Variants in S100Z observed in about 807,000 individuals in gnomAD.
S100Z encodes the protein protein S100-Z.
In S100Z, 11 loss-of-function variants were observed where a neutral mutation model predicts 8.5. The ratio of observed to expected loss-of-function variants is 1.30; its 90% CI spans 0.82 to 2.15. S100Z has a LOEUF of 2.15. Ranked by LOEUF, S100Z falls within the 30% of genes most tolerant of loss-of-function variation. S100Z has a pLI of 0.00. For synonymous variants in S100Z, 34 were observed against 43.8 expected (o/e 0.78, Z 0.89); for missense variants, 126 against 117.9 (o/e 1.07, Z -0.32).
chr5:76,941,197 T>C, the S100Z span, among the ~76,000 whole-genome samples: 1 of 152,202 alleles, frequency 6.6e-6, no homozygotes, highest in Non-Finnish European at 1.5e-5. Context: ...TTTGACATAG[T>C]GAATTGGGGC....
chr5:76,933,364 C>G, the S100Z span, among the ~76,000 whole-genome samples: 2 of 152,322 alleles, frequency 1.3e-5, no homozygotes, highest in South Asian at 4.1e-4. Context: ...GTGAGACGGC[C>G]TCTTCGAGAG....
chr5:76,918,601 A>AT (rs1455692352), intron 4 of S100Z, among the ~76,000 whole-genome samples: 1 of 152,226 alleles, frequency 6.6e-6, no homozygotes, highest in Middle Eastern at 3.2e-3. Context: ...CTCCCATGTT[A>AT]TACCTGCCTC....
intron 1 of S100Z, among the ~76,000 whole-genome samples, chr5:76,858,215 G>A (rs1409742003): frequency 6.6e-6 from 1 of 152,160 alleles, no homozygotes; most frequent in Non-Finnish European, 1.5e-5. Context: ...AACTGGCTTA[G>A]GGAACATGTC....
chr5:76,924,156 A>G (rs1372220182), downstream of S100Z, among the ~76,000 whole-genome samples: 1 of 152,158 alleles, frequency 6.6e-6, no homozygotes, highest in Admixed American at 6.6e-5. Flanking sequence ...TTGATTCCCA[A>G]AGAGAATTAT....
intron 4 of S100Z, among the ~76,000 whole-genome samples, chr5:76,888,199 G>A (rs1743716721): frequency 6.6e-6 from 1 of 150,832 alleles, no homozygotes; most frequent in African/African-American, 2.4e-5. Flanking sequence ...AGAGGTTGCA[G>A]TGAGCCAAGA....
chr5:76,865,613 T>C (rs954037489), intron 1 of S100Z, among the ~76,000 whole-genome samples: 1 of 151,814 alleles, frequency 6.6e-6, no homozygotes, highest in Admixed American at 6.6e-5. Context: ...AAAAAACTTA[T>C]AGAATAAAAA....
Position 76,920,946 on chromosome 5 carries a change from G to A in S100Z, c.*232G>A, listed in dbSNP as rs762838452. On this transcript the variant is annotated 3_prime_UTR_variant, in exon 5 of 5. Coordinates refer to ENST00000317593, the MANE Select transcript of S100Z (RefSeq NM_130772.4). The stretch of plus-strand genomic sequence containing the variant: ...TCAGCCAATGTGATGTGCCTCTACA[G>A]CTGTATGAAGTAGATTCTCTGATTT... 9 of 152,164 alleles carry A rather than the reference G, an allele frequency of 5.9e-5. No homozygotes were observed. The highest frequency in any genetic ancestry group is 1.2e-4 in the Non-Finnish European group (8 of 68,028). The allele number at this position is 152,164 out of a possible 1,614,324, so 9.4% of individuals were successfully genotyped here. A position where few individuals can be genotyped will look rare whatever the true frequency, so the allele number is the denominator to read the frequency against.
chr5:76,865,240 CTTTTT>C (rs140953492), intron 1 of S100Z, among the ~76,000 whole-genome samples: 5 of 100,622 alleles, frequency 5.0e-5, no homozygotes, highest in Admixed American at 1.1e-4. Flanking sequence ...TGTCCTAGCT[CTTTTT>C]TTTTTTTTTT....
At chr5:76,947,963 T>C in the S100Z span, among the ~76,000 whole-genome samples, 3 of 152,130 alleles carry the variant, frequency 2.0e-5, no homozygotes, top group African/African-American at 7.2e-5. Context: ...AATGATTTAA[T>C]GGATATGACA....
chr5:76,945,847 G>C, the S100Z span, among the ~76,000 whole-genome samples: 9 of 152,306 alleles, frequency 5.9e-5, no homozygotes, highest in African/African-American at 1.7e-4. Flanking sequence ...TGGGCCCGCT[G>C]TTCTTTCTCT....
chr5:76,856,980 A>T (rs547510079), intron 1 of S100Z, among the ~76,000 whole-genome samples: 40 of 152,254 alleles, frequency 2.6e-4, no homozygotes, highest in Non-Finnish European at 5.3e-4. Context: ...GAATTAGAGA[A>T]CTTGGAGGAA....
intron 1 of S100Z, among the ~76,000 whole-genome samples, chr5:76,869,768 C>T (rs563780260): frequency 2.0e-4 from 30 of 152,222 alleles, no homozygotes; most frequent in African/African-American, 6.3e-4. Flanking sequence ...CCTGTAATCC[C>T]GGCACTTTGG....
chr5:76,894,877 C>G (rs1418407158), intron 4 of S100Z, among the ~76,000 whole-genome samples: 2 of 152,098 alleles, frequency 1.3e-5, no homozygotes, highest in African/African-American at 4.8e-5. Context: ...GTGTGAGCCA[C>G]CGCGCCCACC....
At chr5:76,939,945 G>C in the S100Z span, among the ~76,000 whole-genome samples, 1 of 151,884 alleles carries the variant, frequency 6.6e-6, no homozygotes, top group African/African-American at 2.4e-5. Flanking sequence ...GGATCACGAG[G>C]TCAAGAGATC....
chr5:76,935,038 T>A, the S100Z span, among the ~76,000 whole-genome samples: 1 of 152,190 alleles, frequency 6.6e-6, no homozygotes, highest in Admixed American at 6.5e-5. Flanking sequence ...ACGGTTTATG[T>A]CAATATGTAT....
intron 4 of S100Z, among the ~76,000 whole-genome samples, chr5:76,906,992 A>G (rs1461851063): frequency 6.0e-4 from 8 of 13,416 alleles, no homozygotes; most frequent in East Asian, 5.5e-3. Flanking sequence ...ATATATATAT[A>G]TATATATATA....
At chr5:76,894,328 C>T (rs1209968746) in intron 4 of S100Z, among the ~76,000 whole-genome samples, 2 of 152,168 alleles carry the variant, frequency 1.3e-5, no homozygotes, top group African/African-American at 4.8e-5. Context: ...ATTGATGTCT[C>T]ATGCTTCCCT....
At chr5:76,863,745 A>C (rs577138120) in intron 1 of S100Z, among the ~76,000 whole-genome samples, 3 of 151,918 alleles carry the variant, frequency 2.0e-5, no homozygotes, top group South Asian at 2.1e-4. Flanking sequence ...TCACCGTGTT[A>C]GCCAGGATGG....
At chr5:76,941,250 G>C in the S100Z span, among the ~76,000 whole-genome samples, 1 of 152,106 alleles carries the variant, frequency 6.6e-6, no homozygotes, top group African/African-American at 2.4e-5. Flanking sequence ...AAGTGATATG[G>C]TTTGTCTGTG....
Sources: gnomAD v4.1 joint callset for allele counts (sites outside exome capture counted in the v4.1 genomes callset) on GRCh38, gnomAD v4.1.1 for gene constraint, MANE v1.5 for transcripts, NCBI Gene and HGNC (gene_info 2026-07-23, HGNC 2026-07-21) for gene names.